The following CCSER1 variants were observed in gnomAD, a reference collection of about 807,000 sequenced individuals.
The protein encoded by CCSER1 is coiled-coil serine rich protein 1, also known as serine-rich coiled-coil domain-containing protein 1.
CCSER1 carries 41 observed loss-of-function variants against 82.0 expected under a neutral mutation model. The observed-to-expected ratio is 0.50, with a 90% confidence interval of 0.39 to 0.65. CCSER1 has a LOEUF of 0.65. CCSER1 is among the 30% of genes least tolerant of loss of function. The pLI, the probability that CCSER1 is intolerant of heterozygous loss-of-function variation, is 0.00. For missense variants in CCSER1, 1,119 were observed against 1,064.2 expected (o/e 1.05, Z -0.72); for synonymous variants, 414 against 383.9 (o/e 1.08, Z -0.92).
At chr4:91,545,849 C>G (rs1307970865) in intron 10 of CCSER1, among the ~76,000 whole-genome samples, 1 of 152,026 alleles carries the variant, frequency 6.6e-6, no homozygotes, top group African/African-American at 2.4e-5. Flanking sequence ...TGTGGAGATT[C>G]TAAGCTTGTT....
intron 9 of CCSER1, among the ~76,000 whole-genome samples, chr4:91,040,634 G>T (rs72886618): frequency 0.013 from 1,989 of 152,254 alleles, 57 homozygotes; most frequent in African/African-American, 0.045. Context: ...TCATCAGTGG[G>T]ATGTTTAGAG....
At chr4:90,835,099 A>C (rs1362283755) in intron 8 of CCSER1, among the ~76,000 whole-genome samples, 1 of 152,274 alleles carries the variant, frequency 6.6e-6, no homozygotes, top group East Asian at 1.9e-4. Flanking sequence ...TGGGAGGCCG[A>C]GGCGGATGGA....
chr4:90,715,914 T>C (rs1335753143), intron 6 of CCSER1, among the ~76,000 whole-genome samples: 7 of 151,910 alleles, frequency 4.6e-5, no homozygotes, highest in Admixed American at 6.6e-5. Flanking sequence ...CTGTTTGTAA[T>C]GCAAAAGAGA....
intron 6 of CCSER1, among the ~76,000 whole-genome samples, chr4:90,658,616 G>T (rs1031554802): frequency 4.6e-5 from 7 of 152,110 alleles, no homozygotes; most frequent in African/African-American, 7.2e-5. Context: ...GCCTTTGTGG[G>T]TTTCCCCCTG....
intron 3 of CCSER1, among the ~76,000 whole-genome samples, chr4:90,399,265 G>A (rs1400681288): frequency 2.0e-5 from 3 of 151,930 alleles, no homozygotes; most frequent in Admixed American, 1.3e-4. Context: ...TCTCAGTGTA[G>A]CCTTCTAGTT....
chr4:90,912,532 T>A (rs1351448045), intron 8 of CCSER1, among the ~76,000 whole-genome samples: 1 of 151,030 alleles, frequency 6.6e-6, no homozygotes, highest in Non-Finnish European at 1.5e-5. Context: ...ACCACAAAGA[T>A]GGGGAAAAAA....
intron 10 of CCSER1, among the ~76,000 whole-genome samples, chr4:91,441,508 A>G (rs1314461146): frequency 1.3e-5 from 2 of 152,072 alleles, no homozygotes; most frequent in Non-Finnish European, 1.5e-5. Context: ...ACTCACAGCC[A>G]ATATCATACT....
At chr4:90,717,007 T>C (rs1741755562) in intron 6 of CCSER1, among the ~76,000 whole-genome samples, 1 of 152,208 alleles carries the variant, frequency 6.6e-6, no homozygotes, top group African/African-American at 2.4e-5. Flanking sequence ...GGATGTTCCA[T>C]CTACTTGGTG....
chr4:90,937,085 T>C (rs1731033820), intron 9 of CCSER1, among the ~76,000 whole-genome samples: 1 of 152,006 alleles, frequency 6.6e-6, no homozygotes. Context: ...GGCAGTAAAC[T>C]AAAAACCAAA....
At chr4:91,336,126 T>G (rs1326921531) in intron 10 of CCSER1, among the ~76,000 whole-genome samples, 1 of 152,120 alleles carries the variant, frequency 6.6e-6, no homozygotes, top group African/African-American at 2.4e-5. Context: ...TGTAATGATA[T>G]CTGTGTCTAT....
At chr4:91,424,090 C>A (rs10014840) in intron 10 of CCSER1, among the ~76,000 whole-genome samples, 75,679 of 146,028 alleles carry the variant, frequency 0.52, 20,116 homozygotes, top group East Asian at 0.79. Context: ...AATCTCGGCT[C>A]ACTGCAAGCT....
chr4:91,283,420 G>A (rs1294855787), intron 10 of CCSER1, among the ~76,000 whole-genome samples: 4 of 152,064 alleles, frequency 2.6e-5, no homozygotes, highest in Non-Finnish European at 5.9e-5. Context: ...CTAATGCACT[G>A]CTTAGTTTAA....
intron 10 of CCSER1, among the ~76,000 whole-genome samples, chr4:91,168,310 G>C (rs1161729559): frequency 1.4e-5 from 2 of 143,208 alleles, no homozygotes; most frequent in African/African-American, 5.2e-5. Flanking sequence ...GGGATGTGAG[G>C]AGCGCCTCTG....
intron 5 of CCSER1, among the ~76,000 whole-genome samples, chr4:90,618,712 A>G (rs964467185): frequency 1.6e-4 from 25 of 151,962 alleles, no homozygotes; most frequent in Admixed American, 4.6e-4. Context: ...AGTGGCATTT[A>G]AAATAAATGT....
At chr4:90,436,985 T>A (rs925791747) in intron 4 of CCSER1, among the ~76,000 whole-genome samples, 4 of 152,016 alleles carry the variant, frequency 2.6e-5, no homozygotes, top group Non-Finnish European at 5.9e-5. Context: ...CACGCCTGGC[T>A]AATTTTTTTG....
intron 1 of CCSER1, among the ~76,000 whole-genome samples, chr4:90,215,554 T>C (rs545815020): frequency 7.2e-5 from 11 of 151,818 alleles, no homozygotes; most frequent in Non-Finnish European, 1.3e-4. Context: ...TTTATCTCAG[T>C]TTAAAAATAT....
chr4:91,163,850 A>T (rs1377190142), intron 10 of CCSER1, among the ~76,000 whole-genome samples: 1 of 152,094 alleles, frequency 6.6e-6, no homozygotes, highest in Non-Finnish European at 1.5e-5. Flanking sequence ...GGGTTTCCTG[A>T]ATACAGCACA....
chr4:91,061,372 G>A (rs1743936933), intron 9 of CCSER1, among the ~76,000 whole-genome samples: 1 of 151,598 alleles, frequency 6.6e-6, no homozygotes, highest in Admixed American at 6.6e-5. Context: ...GACTTAATCC[G>A]GTGGCTCCAG....
chr4:91,345,736 T>G (rs555625172), intron 10 of CCSER1, among the ~76,000 whole-genome samples: 137 of 152,258 alleles, frequency 9.0e-4, no homozygotes, highest in African/African-American at 3.3e-3. Context: ...TGTTGTGCCT[T>G]ATATGAATTT....
Sources: gnomAD v4.1 joint callset for allele counts (sites outside exome capture counted in the v4.1 genomes callset) on GRCh38, gnomAD v4.1.1 for gene constraint, MANE v1.5 for transcripts, NCBI Gene and HGNC (gene_info 2026-07-23, HGNC 2026-07-21) for gene names.